SEMA3A: variants seen among roughly 807,000 people sequenced by gnomAD.
SEMA3A encodes semaphorin 3A.
SEMA3A carries 29 observed loss-of-function variants against 97.9 expected under a neutral mutation model. The ratio of observed to expected loss-of-function variants is 0.30; its 90% confidence interval spans 0.22 to 0.40. SEMA3A has a LOEUF of 0.40. Ranked by LOEUF, SEMA3A falls within the 10% of genes least tolerant of loss-of-function variation. The pLI is 1.00. For synonymous variants in SEMA3A, 321 were observed against 323.7 expected (o/e 0.99, Z 0.09); for missense variants, 763 against 951.3 (o/e 0.80, Z 2.60).
chr7:84,265,777 C>A (rs1351413416), intron 3 of SEMA3A, among the ~76,000 whole-genome samples: 1 of 151,754 alleles, frequency 6.6e-6, no homozygotes, highest in Non-Finnish European at 1.5e-5. Context: ...CTCCCACTGT[C>A]CCCCACAATT....
At chr7:84,404,715 C>A (rs1181864718) in intron 1 of SEMA3A, among the ~76,000 whole-genome samples, 1 of 152,154 alleles carries the variant, frequency 6.6e-6, no homozygotes, top group African/African-American at 2.4e-5. Flanking sequence ...ACTCTACAAG[C>A]CAGAAGAGAG....
intron 7 of SEMA3A, among the ~76,000 whole-genome samples, chr7:84,013,323 T>C (rs1309765605): frequency 4.6e-5 from 7 of 152,300 alleles, no homozygotes; most frequent in Non-Finnish European, 7.3e-5. Flanking sequence ...TATTGAACAA[T>C]TTTTATTCTA....
intron 4 of SEMA3A, among the ~76,000 whole-genome samples, 170 bp downstream of exon 4, chr7:84,110,300 T>G (rs1795237830): frequency 2.0e-5 from 3 of 152,212 alleles, no homozygotes; most frequent in Admixed American, 1.3e-4. Flanking sequence ...TTGAGTAATG[T>G]TCTCATTCTT....
Position 83,985,456 on chromosome 7 carries a change from T to G in SEMA3A, c.1474A>C (p.Met492Leu), listed in dbSNP as rs1789588595. ...VFREPTAISA[M>L]ELSTKQQQLY... ...AGTACCTGCTTAGTGGAAAGCTCCA[T>G]TGCTGAAATAGCAGTCGGTTCCTAA... The change falls in exon 13 of 17, where the codon ATG (methionine) becomes CTG (leucine). Residue 492 changes from methionine (M) to leucine (L), a missense_variant. Physicochemically the swap from Met to Leu is conservative, Grantham distance 15. This residue lies in a region of SEMA3A where 678 missense variants were observed against 881.3 expected (regional missense o/e 0.77). Transcript: ENST00000265362. 1 of 1,611,218 alleles carries G rather than the reference T, an allele frequency of 6.2e-7. No homozygotes were observed. Among genetic ancestry groups the G allele is most frequent in the Admixed American group, 1.7e-5 (1 of 59,824 alleles).
intron 1 of SEMA3A, among the ~76,000 whole-genome samples, chr7:84,158,337 T>C (rs561121411): frequency 6.6e-6 from 1 of 151,914 alleles, no homozygotes; most frequent in East Asian, 1.9e-4. Flanking sequence ...GTATTGTTAA[T>C]AGTGACGGGT....
At chr7:83,971,549 G>T (rs372076733) in intron 15 of SEMA3A, among the ~76,000 whole-genome samples, 3 of 152,076 alleles carry the variant, frequency 2.0e-5, no homozygotes, top group Non-Finnish European at 4.4e-5. Flanking sequence ...TTGAGGTAAT[G>T]CCTAGTACAA....
Position 84,057,619 on chromosome 7 carries a change from G to T in SEMA3A, c.547+2846C>A, listed in dbSNP as rs544495787. On this transcript the variant is annotated intron_variant, in intron 5 of 16. Transcript: ENST00000265362. ...GTCTCTCCTAAAAATTCAAAACTTA[G>T]CCAGGCCTGGTGGCACATGCCTGTA... 2.0e-5 allele frequency among the ~76,000 whole-genome samples: 3 copies of T among 152,096 alleles called. No individual in the cohort carries two copies. In the South Asian group the frequency reaches 6.2e-4, roughly 32 times the overall value.
At chr7:84,235,581 A>T (rs2116366625) in intron 3 of SEMA3A, among the ~76,000 whole-genome samples, 1 of 152,116 alleles carries the variant, frequency 6.6e-6, no homozygotes, top group East Asian at 1.9e-4. Flanking sequence ...AACGCTATTA[A>T]TTTTTTTAAA....
rs1049392927 is a variant in SEMA3A at position 84,191,504 on chromosome 7, G to T, written c.112+2971C>A. 4.0e-5 allele frequency among the ~76,000 whole-genome samples: 6 copies of T among 151,790 alleles called. No homozygotes were observed. The South Asian group carries it at 6.2e-4, about 16-fold the overall frequency. Reference sequence around the variant, plus strand: ...ACCCAAACCCTAATTATTTTCTTGTGATTCATGCAGGTTTTTCTGAAGACT... The same window carrying T: ...ACCCAAACCCTAATTATTTTCTTGTTATTCATGCAGGTTTTTCTGAAGACT... On this transcript the variant is annotated intron_variant, in intron 1 of 16. Coordinates refer to ENST00000265362, the MANE Select transcript of SEMA3A (RefSeq NM_006080.3).
chr7:84,083,798 A>C (rs971022198), intron 4 of SEMA3A, among the ~76,000 whole-genome samples: 11 of 152,068 alleles, frequency 7.2e-5, no homozygotes, highest in African/African-American at 2.7e-4. Flanking sequence ...AAAACACTAA[A>C]GTTCAGAGAA....
chr7:83,995,613 G>T (rs190064541), intron 12 of SEMA3A, among the ~76,000 whole-genome samples: 4 of 152,150 alleles, frequency 2.6e-5, no homozygotes. Context: ...GAAATAGCAG[G>T]TAGTGAATAT....
chr7:84,384,791 C>T (rs1056038560), intron 1 of SEMA3A, among the ~76,000 whole-genome samples: 4 of 152,106 alleles, frequency 2.6e-5, no homozygotes, highest in East Asian at 1.9e-4. Flanking sequence ...CTCTTCCTAA[C>T]CTCTGGAGCA....
intron 3 of SEMA3A, among the ~76,000 whole-genome samples, chr7:84,201,939 A>G (rs1226284539): frequency 6.6e-6 from 1 of 152,124 alleles, no homozygotes; most frequent in African/African-American, 2.4e-5. Context: ...AAAGTTTATA[A>G]TCTTCCTTTT....
chr7:84,095,374 T>C (rs907386835), intron 4 of SEMA3A, among the ~76,000 whole-genome samples: 12 of 142,480 alleles, frequency 8.4e-5, no homozygotes, highest in African/African-American at 2.3e-4. Flanking sequence ...TATATATATA[T>C]ATATATATAT....
Position 84,110,535 on chromosome 7 carries a change from A to G in SEMA3A, c.388T>C (p.Tyr130His). The G allele has an allele frequency of 6.2e-7, 1 of 1,614,028 alleles. No homozygotes were observed. The highest frequency in any genetic ancestry group is 8.5e-7 in the Non-Finnish European group (1 of 1,179,916). ...TGAAAAGCCCCCGTTCCACAGGCGT[A>G]CAAGTGAGTCTGATTATATGCCTTA... ...VLKAYNQTHL[Y>H]ACGTGAFHPI... The change falls in exon 4 of 17, where the codon TAC becomes CAC. Residue 130 changes from tyrosine to histidine, a missense_variant. Transcript: ENST00000265362.
chr7:84,364,880 T>C (rs1340642959), intron 2 of SEMA3A, among the ~76,000 whole-genome samples: 2 of 150,432 alleles, frequency 1.3e-5, no homozygotes, highest in Non-Finnish European at 3.0e-5. Flanking sequence ...TGTAGAATTG[T>C]TTGCATTCTT....
At chr7:84,407,423 G>C (rs1430222149) in intron 1 of SEMA3A, among the ~76,000 whole-genome samples, 1 of 152,070 alleles carries the variant, frequency 6.6e-6, no homozygotes, top group South Asian at 2.1e-4. Flanking sequence ...AACATTCCAT[G>C]CTCATGGGTA....
At chr7:84,388,150 G>T (rs923852631) in intron 1 of SEMA3A, among the ~76,000 whole-genome samples, 6 of 152,032 alleles carry the variant, frequency 3.9e-5, no homozygotes, top group Non-Finnish European at 5.9e-5. Flanking sequence ...CAAAACATTT[G>T]AACTTCAATG....
At chr7:84,346,641 C>T (rs139893448) in intron 2 of SEMA3A, among the ~76,000 whole-genome samples, 1 of 152,270 alleles carries the variant, frequency 6.6e-6, no homozygotes, top group South Asian at 2.1e-4. Flanking sequence ...TATCTATTAA[C>T]TTTGCCGTCT....
Sources: allele counts gnomAD v4.1 joint callset (sites outside exome capture counted in the v4.1 genomes callset), GRCh38; gene constraint gnomAD v4.1.1; regional missense constraint gnomAD v4.1.1; transcripts MANE v1.5; gene names NCBI Gene and HGNC (gene_info 2026-07-23, HGNC 2026-07-21).